The following CPZ variants were observed in gnomAD, a reference collection of about 807,000 sequenced individuals.
CPZ encodes VEZT/CPZ fusion.
In CPZ, 103 loss-of-function variants were observed where a neutral mutation model predicts 61.8. The ratio of observed to expected loss-of-function variants is 1.67; its 90% confidence interval spans 1.42 to 1.96. CPZ has a LOEUF of 1.96. CPZ is among the 30% of genes most tolerant of loss of function. The pLI, the probability that CPZ is intolerant of heterozygous loss-of-function variation, is 0.00. For missense variants in CPZ, 1,461 were observed against 914.9 expected, an observed-to-expected ratio of 1.60 and a Z score of -7.70; for synonymous variants, 551 against 373.7, an observed-to-expected ratio of 1.47 and a Z score of -5.47.
Position 8,606,844 on chromosome 4 carries a change from C to G in CPZ, c.1014C>G (p.Thr338=). Residue 338 remains threonine, a synonymous_variant, in exon 6 of 11, where the codon ACC becomes ACG. Transcript: ENST00000360986. The part of the protein sequence containing the change: ...LTSEYYRLAE[T]RGARSDHIPI... ...CCGAGTACTACCGGCTGGCGGAGAC[C>G]CGCGGCGCACGCAGCGACCACATCC... The G allele has an allele frequency of 6.2e-7, 1 of 1,613,598 alleles. No individual in the cohort carries two copies. The highest frequency in any genetic ancestry group is 1.1e-5 in the South Asian group (1 of 91,084).
chr4:8,604,071 A>G lies in CPZ; in HGVS notation c.592A>G (p.Arg198Gly). 1 of 1,610,860 alleles carries G rather than the reference A, an allele frequency of 6.2e-7. No individual in the cohort carries two copies. The highest frequency in any genetic ancestry group is 8.5e-7 in the Non-Finnish European group (1 of 1,179,388). The change falls in exon 4 of 11, where the codon AGG becomes GGG. Residue 198 changes from arginine (R) to glycine (G), a missense_variant. Coordinates refer to ENST00000360986, the MANE Select transcript of CPZ (RefSeq NM_001014447.3). ...CTACGCCCAGATGGTGCGTGTGCTG[A>G]GGCGGACGGCCTCCCGCTGCGCCCA... is the stretch of plus-strand genomic sequence containing the variant. ...HSYAQMVRVL[R>G]RTASRCAHVA...
intron 7 of CPZ, among the ~76,000 whole-genome samples, chr4:8,610,977 C>T (rs911463167): frequency 1.3e-5 from 2 of 151,688 alleles, no homozygotes; most frequent in South Asian, 4.2e-4. Flanking sequence ...ATCACTCATT[C>T]ACTCAGTCAC....
Position 8,609,129 on chromosome 4 carries a change from C to T in CPZ, c.1227+1704C>T, listed in dbSNP as rs146083510. ...TCCCTTCCTCACTCCCTCACTCATTCACTCATTTACTCATTCACCCACTCC... is the reference window on the plus strand; with the variant it reads ...TCCCTTCCTCACTCCCTCACTCATTTACTCATTTACTCATTCACCCACTCC... On this transcript the variant is annotated intron_variant, in intron 7 of 10. Transcript: ENST00000360986. Among the ~76,000 whole-genome samples, 177 of 121,662 alleles carry T rather than the reference C, an allele frequency of 1.5e-3. 2 individuals are homozygous for T. The highest frequency in any genetic ancestry group is 4.9e-3 in the African/African-American group (149 of 30,420). 79.8% of individuals were successfully genotyped at this position (121,662 alleles called of 152,430 possible).
At chr4:8,605,253 C>G (rs1714851301) in intron 4 of CPZ, among the ~76,000 whole-genome samples, 1 of 151,968 alleles carries the variant, frequency 6.6e-6, no homozygotes, top group South Asian at 2.1e-4. Context: ...GAGTGACTTG[C>G]CTGCAGTCAC....
chr4:8,618,916 A>G (rs1430695021), intron 10 of CPZ, among the ~76,000 whole-genome samples: 2 of 151,576 alleles, frequency 1.3e-5, no homozygotes, highest in East Asian at 3.9e-4. Context: ...CCTTACAGGA[A>G]TTTCACAGCC....
chr4:8,609,976 G>A (rs1488648930), intron 7 of CPZ, among the ~76,000 whole-genome samples: 1 of 152,182 alleles, frequency 6.6e-6, no homozygotes, highest in Non-Finnish European at 1.5e-5. Flanking sequence ...TCAAGGCCCT[G>A]CAGGCTGGCC....
Position 8,605,806 on chromosome 4 carries a change from A to C in CPZ, c.710-183A>C, listed in dbSNP as rs141244395. Among the ~76,000 whole-genome samples the C allele has an allele frequency of 5.9e-5, 9 of 152,366 alleles. No homozygotes were observed. In the East Asian group the frequency reaches 1.5e-3, roughly 26 times the overall value. ...TAACTAAGAATTCTGGCTAGGCATA[A>C]AAAACGAGCTTAACAAAAGTGATGA... On this transcript the variant is annotated intron_variant, in intron 4 of 10. Transcript: ENST00000360986.
At chr4:8,612,371 C>A (rs1715786480) in intron 8 of CPZ, among the ~76,000 whole-genome samples, 1 of 148,662 alleles carries the variant, frequency 6.7e-6, no homozygotes. Flanking sequence ...TGTGGAGGAC[C>A]CAGGCCCGTG....
At chr4:8,607,622 C>T (rs1020460569) in intron 7 of CPZ, among the ~76,000 whole-genome samples, 197 bp downstream of exon 7, 11 of 152,166 alleles carry the variant, frequency 7.2e-5, no homozygotes, top group Admixed American at 1.3e-4. Context: ...CCTCAGGGGC[C>T]GTCGCTCCCC....
intron 7 of CPZ, among the ~76,000 whole-genome samples, chr4:8,610,138 T>G (rs755453458): frequency 6.6e-6 from 1 of 152,158 alleles, no homozygotes; most frequent in Admixed American, 6.5e-5. Flanking sequence ...AGGAGCTGGG[T>G]GGGCTGGGTT....
intron 4 of CPZ, 35 bp from the exon 5 acceptor site, chr4:8,605,954 G>T (rs1391263259): frequency 1.3e-6 from 2 of 1,592,300 alleles, no homozygotes; most frequent in South Asian, 1.1e-5. Flanking sequence ...CCCCGGCTTT[G>T]AGATGATGCC....
chr4:8,611,075 T>C (rs1344125802), intron 7 of CPZ: 1 of 362,964 alleles, frequency 2.8e-6, no homozygotes. Flanking sequence ...CATTCACTCA[T>C]TCATTCGCTC....
chr4:8,605,513 TCATC>T (rs1367749118), intron 4 of CPZ, among the ~76,000 whole-genome samples: 2 of 151,284 alleles, frequency 1.3e-5, no homozygotes, highest in South Asian at 2.1e-4. Flanking sequence ...CATTATTCAC[TCATC>T]CATCCATCAT....
rs1448921676 is a variant in CPZ at position 8,604,169 on chromosome 4, C to T, written c.690C>T (p.Arg230=). Residue 230 remains arginine (R), a synonymous_variant, in exon 4 of 11, where the codon CGC becomes CGT. Transcript: ENST00000360986. ...TGCTGGTCATCGAGTTCTCCAGCCG[C>T]CCCGGCCAGCACGAGCTGAGTGAGT... ...RELLVIEFSS[R]PGQHELMEPE... is the part of the protein sequence containing the mutation. 2.6e-6 allele frequency: 4 copies of T among 1,565,362 alleles called. No homozygotes were observed. Among genetic ancestry groups the T allele is most frequent in the African/African-American group, 1.4e-5 (1 of 73,854 alleles).
chr4:8,596,022 TC>T lies in CPZ; in HGVS notation c.88+3103del, dbSNP rs535697046. ...GTGCGGCCCTGCAGACCTGCAGACT[TC>T]CAGCCTTCCAGCCTCCAGGGCTCTG... On this transcript the variant is annotated intron_variant, in intron 1 of 10. Coordinates refer to ENST00000360986, the MANE Select transcript of CPZ (RefSeq NM_001014447.3). Among the ~76,000 whole-genome samples the T allele has an allele frequency of 1.4e-3, 87 of 62,216 alleles. No homozygotes were observed. In the South Asian group the frequency reaches 0.048, roughly 34 times the overall value. The allele number at this position is 62,216 out of a possible 152,430, so 40.8% of individuals were successfully genotyped here. A position where few individuals can be genotyped will look rare whatever the true frequency, so the allele number is the denominator to read the frequency against.
chr4:8,608,656 A>T (rs1291635609), intron 7 of CPZ, among the ~76,000 whole-genome samples: 1 of 149,716 alleles, frequency 6.7e-6, no homozygotes, highest in African/African-American at 2.5e-5. Context: ...GTGCGTGTGC[A>T]TGCATGTGCA....
intron 1 of CPZ, among the ~76,000 whole-genome samples, chr4:8,593,450 A>G (rs115179771): frequency 0.036 from 5,491 of 152,174 alleles, 124 homozygotes; most frequent in South Asian, 0.062. Flanking sequence ...CGGAGAGGGA[A>G]TGGACGCAGG....
At chr4:8,599,622 C>G in intron 2 of CPZ, 137 bp downstream of exon 2, 3 of 1,486,012 alleles carry the variant, frequency 2.0e-6, no homozygotes, top group Non-Finnish European at 2.7e-6. Context: ...CAAACTAGAA[C>G]CCCCTCGTAA....
rs80097687 is a variant in CPZ, at chr4:8,609,127, T to C, written c.1227+1702T>C. ...ACTCCCTTCCTCACTCCCTCACTCA[T>C]TCACTCATTTACTCATTCACCCACT... is the stretch of plus-strand genomic sequence containing the variant. On this transcript the variant is annotated intron_variant, in intron 7 of 10. Transcript: ENST00000360986. Among the ~76,000 whole-genome samples, 978 of 139,228 alleles carry C rather than the reference T, an allele frequency of 7.0e-3. 9 individuals are homozygous for C. Among genetic ancestry groups the C allele is most frequent in the African/African-American group, 0.019 (691 of 35,694 alleles). The allele number at this position is 139,228 out of a possible 152,430, so 91.3% of individuals were successfully genotyped here. A position where few individuals can be genotyped will look rare whatever the true frequency, so the allele number is the denominator to read the frequency against.
Sources: allele counts gnomAD v4.1 joint callset (sites outside exome capture counted in the v4.1 genomes callset), GRCh38; gene constraint gnomAD v4.1.1; transcripts MANE v1.5; gene names NCBI Gene and HGNC (gene_info 2026-07-23, HGNC 2026-07-21).